VPS41: variants seen among roughly 807,000 people sequenced by gnomAD.
The protein encoded by VPS41 is VPS41 subunit of HOPS complex.
Under a neutral mutation model 130.9 loss-of-function variants are expected in VPS41, and 85 were observed. That is an observed-to-expected ratio of 0.65 (90% CI 0.55 to 0.78). The LOEUF (loss-of-function observed/expected upper bound fraction) is 0.78, where lower values mean the gene tolerates loss of function less well. Among genes scored for constraint, VPS41 ranks in the 30% least tolerant of loss-of-function variants. The pLI is 0.00. For synonymous variants in VPS41, 335 were observed against 332.9 expected (o/e 1.01, Z -0.07); for missense variants, 874 against 1,018.7 (o/e 0.86, Z 1.93).
intron 4 of VPS41, among the ~76,000 whole-genome samples, chr7:38,853,361 G>A (rs1447459234): frequency 6.9e-6 from 1 of 145,386 alleles, no homozygotes; most frequent in Non-Finnish European, 1.5e-5. Flanking sequence ...GGAGCTTGCA[G>A]TGAGCTGAGA....
chr7:38,880,582 C>G (rs1786583053), intron 2 of VPS41, among the ~76,000 whole-genome samples: 2 of 152,174 alleles, frequency 1.3e-5, no homozygotes, highest in Admixed American at 1.3e-4. Flanking sequence ...TTCCCCACTC[C>G]CATCCCTCCC....
chr7:38,764,467 G>C (rs926802063), intron 16 of VPS41, among the ~76,000 whole-genome samples: 3 of 152,112 alleles, frequency 2.0e-5, no homozygotes, highest in African/African-American at 7.2e-5. Context: ...GAAGCAACAG[G>C]TATTAGGGAA....
chr7:38,810,101 C>CTT (rs201960284), intron 7 of VPS41, among the ~76,000 whole-genome samples: 30 of 144,874 alleles, frequency 2.1e-4, no homozygotes, highest in Admixed American at 6.9e-4. Context: ...TGTGCTTTCT[C>CTT]TTTTTTTTTT....
At chr7:38,737,152 G>A (rs1584364328) in intron 25 of VPS41, among the ~76,000 whole-genome samples, 1 of 152,150 alleles carries the variant, frequency 6.6e-6, no homozygotes. Flanking sequence ...GAGGCAGGCG[G>A]ATCATGAGGT....
chr7:38,796,295 G>A (rs1191463510), intron 8 of VPS41: 6 of 334,230 alleles, frequency 1.8e-5, no homozygotes, highest in Non-Finnish European at 2.3e-5. Context: ...TTAAAATGCA[G>A]CACTGAAAAT....
At chr7:38,764,914 T>C (rs1394271266) in intron 16 of VPS41, among the ~76,000 whole-genome samples, 1 of 152,118 alleles carries the variant, frequency 6.6e-6, no homozygotes, top group African/African-American at 2.4e-5. Flanking sequence ...GATAAAATCC[T>C]CCAGAAACCA....
intron 21 of VPS41, among the ~76,000 whole-genome samples, chr7:38,753,796 GCA>G (rs993706876): frequency 9.2e-5 from 14 of 152,240 alleles, no homozygotes; most frequent in African/African-American, 3.1e-4. Context: ...GAACAATGCA[GCA>G]GTAGCATCTG....
intron 13 of VPS41, among the ~76,000 whole-genome samples, chr7:38,771,951 G>A (rs934967992): frequency 6.6e-6 from 1 of 151,938 alleles, no homozygotes; most frequent in Non-Finnish European, 1.5e-5. Flanking sequence ...CAACAAATAC[G>A]TAGACTATTT....
intron 6 of VPS41, among the ~76,000 whole-genome samples, chr7:38,819,861 T>G (rs936705537): frequency 4.6e-5 from 7 of 152,190 alleles, no homozygotes; most frequent in African/African-American, 1.7e-4. Flanking sequence ...GGATAATATC[T>G]TTAAAAATAG....
chr7:38,731,784 TA>T (rs3214227), intron 25 of VPS41, among the ~76,000 whole-genome samples: 97,896 of 151,402 alleles, frequency 0.65, 32,902 homozygotes, highest in Admixed American at 0.78. Context: ...TATGAAATAT[TA>T]AAAAAAAACT....
chr7:38,761,770 T>G (rs1421615397), intron 17 of VPS41, among the ~76,000 whole-genome samples: 1 of 152,010 alleles, frequency 6.6e-6, no homozygotes, highest in Non-Finnish European at 1.5e-5. Context: ...TTTAGTTTTT[T>G]ATAGACAGGT....
chr7:38,832,575 T>C (rs1424174765), intron 4 of VPS41, among the ~76,000 whole-genome samples: 1 of 152,178 alleles, frequency 6.6e-6, no homozygotes, highest in African/African-American at 2.4e-5. Context: ...AGGGTGTACA[T>C]AGTATGTTCT....
At chr7:38,726,661 C>T (rs557689268) in intron 28 of VPS41, among the ~76,000 whole-genome samples, 6 of 152,348 alleles carry the variant, frequency 3.9e-5, no homozygotes, top group African/African-American at 1.2e-4. Context: ...TACAGCATGA[C>T]AGCTGTCAAC....
chr7:38,862,343 T>G (rs924890594), intron 4 of VPS41, among the ~76,000 whole-genome samples: 7 of 152,220 alleles, frequency 4.6e-5, no homozygotes, highest in African/African-American at 1.7e-4. Context: ...ATATAATGCA[T>G]GTATCTAGAC....
intron 16 of VPS41, 44 bp downstream of exon 16, chr7:38,765,536 T>C (rs760502214): frequency 1.6e-6 from 2 of 1,280,568 alleles, no homozygotes; most frequent in Non-Finnish European, 2.2e-6. Context: ...AATATTAATA[T>C]ACTACTTGCA....
At chr7:38,837,995 T>TA (rs1785531353) in intron 4 of VPS41, among the ~76,000 whole-genome samples, 1 of 152,186 alleles carries the variant, frequency 6.6e-6, no homozygotes, top group East Asian at 1.9e-4. Flanking sequence ...TGCAGGAACT[T>TA]ACATGCATAT....
intron 11 of VPS41, 47 bp downstream of exon 11, chr7:38,776,632 A>G (rs1232942751): frequency 9.1e-7 from 1 of 1,094,468 alleles, no homozygotes; most frequent in Admixed American, 1.7e-5. Flanking sequence ...GTGTAATGCT[A>G]AAAGTGAACC....
At chr7:38,827,702 A>G (rs1274778153) in intron 5 of VPS41, among the ~76,000 whole-genome samples, 1 of 152,214 alleles carries the variant, frequency 6.6e-6, no homozygotes, top group Non-Finnish European at 1.5e-5. Context: ...ATACAGAGCT[A>G]TGCTCCTAGC....
chr7:38,880,006 C>T (rs1430850655), intron 2 of VPS41, among the ~76,000 whole-genome samples: 4 of 152,034 alleles, frequency 2.6e-5, no homozygotes, highest in Non-Finnish European at 5.9e-5. Flanking sequence ...CCATATGCAG[C>T]GCATATACAC....
Sources: allele counts gnomAD v4.1 joint callset (sites outside exome capture counted in the v4.1 genomes callset), GRCh38; gene constraint gnomAD v4.1.1; transcripts MANE v1.5; gene names NCBI Gene and HGNC (gene_info 2026-07-23, HGNC 2026-07-21).